CREB3L4: variants seen among roughly 807,000 people sequenced by gnomAD.
CREB3L4 encodes cAMP responsive element binding protein 3 like 4, also known as cyclic AMP-responsive element-binding protein 3-like protein 4.
In CREB3L4, 28 loss-of-function variants were observed where a neutral mutation model predicts 37.0. The observed-to-expected ratio is 0.76, with a 90% confidence interval of 0.56 to 1.04. The LOEUF is 1.04. CREB3L4 is among the 50% of genes least tolerant of loss of function. The pLI is 0.00. For missense variants in CREB3L4, 462 were observed against 486.0 expected (o/e 0.95, Z 0.46); for synonymous variants, 175 against 192.2 (o/e 0.91, Z 0.74).
chr1:153,968,410 TGG>T, intron 1 of CREB3L4, 110 bp from the exon 2 acceptor site: 1 of 753,620 alleles, frequency 1.3e-6, no homozygotes, highest in Non-Finnish European at 1.9e-6. Context: ...GAGGAAGGAG[TGG>T]GGGGGCGGGG....
chr1:153,974,346 C>T lies in CREB3L4; in HGVS notation c.*281C>T, dbSNP rs377614690. 238 of 424,682 alleles carry T rather than the reference C, an allele frequency of 5.6e-4. 1 individual carries two copies. The highest frequency in any genetic ancestry group is 3.7e-3 in the African/African-American group (190 of 51,184). The allele number at this position is 424,682 out of a possible 1,614,324, so 26.3% of individuals were successfully genotyped here. A position where few individuals can be genotyped will look rare whatever the true frequency, so the allele number is the denominator to read the frequency against. On this transcript the variant is annotated 3_prime_UTR_variant, in exon 10 of 10. Coordinates refer to ENST00000368607, the MANE Select transcript of CREB3L4 (RefSeq NM_001255978.2). ...AAATAAGTTTTGAGTGAGAAATAAA[C>T]GTTTTAGCTGAAATTGTATCCCAGA...
chr1:153,968,835 T>A (rs1403890324), intron 2 of CREB3L4, 95 bp from the exon 3 acceptor site: 6 of 1,526,786 alleles, frequency 3.9e-6, no homozygotes, highest in Non-Finnish European at 5.3e-6. Flanking sequence ...ACTGTCTCCA[T>A]GCCCAAGAAG....
chr1:153,970,324 G>C (rs1239612402), intron 4 of CREB3L4, among the ~76,000 whole-genome samples: 1 of 152,160 alleles, frequency 6.6e-6, no homozygotes, highest in Non-Finnish European at 1.5e-5. Context: ...AGGGAATCTG[G>C]GGACAGGGCT....
chr1:153,972,119 G>A lies in CREB3L4; in HGVS notation c.544-625G>A, dbSNP rs139558215. On this transcript the variant is annotated intron_variant, in intron 4 of 9. Coordinates refer to ENST00000368607, the MANE Select transcript of CREB3L4 (RefSeq NM_001255978.2). The stretch of plus-strand genomic sequence containing the variant: ...ATTACAGGTGTGAGCCACTGTGCCC[G>A]GCCACATACATCTTTCAAAAAGAAA... Among the ~76,000 whole-genome samples, 402 of 152,238 alleles carry A rather than the reference G, an allele frequency of 2.6e-3. 4 individuals carry two copies. Among genetic ancestry groups the A allele is most frequent in the African/African-American group, 9.4e-3 (391 of 41,538 alleles).
chr1:153,974,319 G>A lies in CREB3L4; in HGVS notation c.*254G>A, dbSNP rs1426501505. On this transcript the variant is annotated 3_prime_UTR_variant, in exon 10 of 10. Transcript: ENST00000368607. Reference sequence around the variant, plus strand: ...TTCTTCTTTGGGTATAGGGTTGAGGGGAAATAAGTTTTGAGTGAGAAATAA... The same window carrying A: ...TTCTTCTTTGGGTATAGGGTTGAGGAGAAATAAGTTTTGAGTGAGAAATAA... 4.4e-6 allele frequency: 2 copies of A among 458,232 alleles called. No individual in the cohort carries two copies. Among genetic ancestry groups the A allele is most frequent in the African/African-American group, 1.9e-5 (1 of 51,966 alleles). 28.4% of individuals were successfully genotyped at this position (458,232 alleles called of 1,614,324 possible). A position where few individuals can be genotyped will look rare whatever the true frequency, so the allele number is the denominator to read the frequency against.
intron 4 of CREB3L4, 44 bp from the exon 5 acceptor site, chr1:153,972,700 C>A (rs747451053): frequency 1.3e-6 from 2 of 1,515,634 alleles, no homozygotes; most frequent in South Asian, 2.3e-5. Context: ...ATGGGATGAC[C>A]CCCTCCTCAC....
At chr1:153,973,558 C>T in intron 8 of CREB3L4, 62 bp from the exon 9 acceptor site, 1 of 1,562,378 alleles carries the variant, frequency 6.4e-7, no homozygotes, top group South Asian at 1.1e-5. Context: ...CCGATAACCC[C>T]AGCTGGCCTC....
Position 153,974,269 on chromosome 1 carries a change from TTC to T in CREB3L4, c.*206_*207del, listed in dbSNP as rs1217381434. 2 of 530,636 alleles carry T rather than the reference TTC, an allele frequency of 3.8e-6. No individual in the cohort carries two copies. Among genetic ancestry groups the T allele is most frequent in the Non-Finnish European group, 6.7e-6 (2 of 299,106 alleles). 32.9% of individuals were successfully genotyped at this position (530,636 alleles called of 1,614,324 possible). On this transcript the variant is annotated 3_prime_UTR_variant, in exon 10 of 10. Coordinates refer to ENST00000368607, the MANE Select transcript of CREB3L4 (RefSeq NM_001255978.2). The stretch of plus-strand genomic sequence containing the variant: ...ATATATGAGAGGGTACCTCAAATAC[TTC>T]TGTTATGTATCTGTGATTTTATTTC...
intron 4 of CREB3L4, among the ~76,000 whole-genome samples, chr1:153,970,753 T>A (rs1648288525): frequency 2.1e-5 from 3 of 146,162 alleles, no homozygotes; most frequent in African/African-American, 7.6e-5. Flanking sequence ...TTTTTTTTTT[T>A]TTTTTTTTTT....
In CREB3L4 at chr1:153,974,070, G is replaced by A. The variant is rs763496156; in HGVS notation, c.*5G>A. ...CTGCATGCAGATGAGATGTGAGCTG[G>A]AACAGACCTTCCTGGCCCACTTCCT... On this transcript the variant is annotated 3_prime_UTR_variant, in exon 10 of 10. Coordinates refer to ENST00000368607, the MANE Select transcript of CREB3L4 (RefSeq NM_001255978.2). The A allele has an allele frequency of 5.6e-6, 9 of 1,610,508 alleles. No homozygotes were observed. The Admixed American group carries it at 1.5e-4, about 27-fold the overall frequency.
At chr1:153,972,909 A>G in intron 5 of CREB3L4, 63 bp from the exon 6 acceptor site, 1 of 1,598,360 alleles carries the variant, frequency 6.3e-7, no homozygotes, top group Non-Finnish European at 8.6e-7. Flanking sequence ...ATATCCCAGG[A>G]GAAGCATTGG....
At chr1:153,969,849 CAA>C (rs1220808854) in intron 4 of CREB3L4, 1 of 204,808 alleles carries the variant, frequency 4.9e-6, no homozygotes, top group Non-Finnish European at 1.0e-5. Flanking sequence ...CTCCTGAGTT[CAA>C]GTGATCTGCC....
At chr1:153,970,169 C>T (rs1328219283) in intron 4 of CREB3L4, among the ~76,000 whole-genome samples, 9 of 152,142 alleles carry the variant, frequency 5.9e-5, no homozygotes, top group Non-Finnish European at 1.0e-4. Context: ...CCTTGTGATC[C>T]GCCTGCCTCT....
rs778815861 is a variant in CREB3L4, at chr1:153,973,416, A to G, written c.849A>G (p.Leu283=). The change falls in exon 8 of 10, where the codon CTA becomes CTG. Residue 283 remains leucine, a synonymous_variant. Coordinates refer to ENST00000368607, the MANE Select transcript of CREB3L4 (RefSeq NM_001255978.2). ...CTCAGCTCCGCCAGCTGCAGACGCTAATTGCTCAAACTTCCAACAAAGCTG... is the reference window on the plus strand; with the variant it reads ...CTCAGCTCCGCCAGCTGCAGACGCTGATTGCTCAAACTTCCAACAAAGCTG... The part of the protein sequence containing the change: ...LVAQLRQLQT[L]IAQTSNKAAQ... 1.2e-6 allele frequency: 2 copies of G among 1,613,988 alleles called. No individual in the cohort carries two copies. Among genetic ancestry groups the G allele is most frequent in the Non-Finnish European group, 1.7e-6 (2 of 1,179,978 alleles).
chr1:153,968,814 G>A (rs1648039474), intron 2 of CREB3L4, 115 bp downstream of exon 2: 2 of 1,527,872 alleles, frequency 1.3e-6, no homozygotes, highest in Non-Finnish European at 1.8e-6. Context: ...ATAGACGTAA[G>A]TTGTATAATA....
Position 153,969,926 on chromosome 1 carries a change from AT to A in CREB3L4, c.543+491del, listed in dbSNP as rs982207975. 8.0e-3 allele frequency among the ~76,000 whole-genome samples: 941 copies of A among 117,852 alleles called. 1 individual carries two copies. Among genetic ancestry groups the A allele is most frequent in the Middle Eastern group, 0.012 (2 of 170 alleles). 77.3% of individuals were successfully genotyped at this position (117,852 alleles called of 152,430 possible). A position where few individuals can be genotyped will look rare whatever the true frequency, so the allele number is the denominator to read the frequency against. On this transcript the variant is annotated intron_variant, in intron 4 of 9. Transcript: ENST00000368607. ...CCACTGTGCCCGACTAACATGAACA[AT>A]TTTTTTTTTTTTTTTTTTTGAGACG...
intron 4 of CREB3L4, 116 bp from the exon 5 acceptor site, chr1:153,972,628 T>G: frequency 1.4e-6 from 1 of 739,032 alleles, no homozygotes; most frequent in South Asian, 1.8e-5. Flanking sequence ...AGATTAAAGT[T>G]GTCTCCCAGT....
rs1648655972 is a variant in CREB3L4, at chr1:153,973,862, C to T, written c.995-10C>T. The T allele has an allele frequency of 1.9e-6, 3 of 1,613,354 alleles. No individual in the cohort carries two copies. The highest frequency in any genetic ancestry group is 1.7e-5 in the Admixed American group (1 of 59,972). Reference sequence around the variant, plus strand: ...CACTCTACTACTGCCCTCTTGCCTTCACCTCACAGTGACTTCCAGAAATAT... The same window carrying T: ...CACTCTACTACTGCCCTCTTGCCTTTACCTCACAGTGACTTCCAGAAATAT... On this transcript the variant is annotated splice_polypyrimidine_tract_variant and intron_variant, in intron 9 of 9. Transcript: ENST00000368607.
At chr1:153,972,150 G>C (rs1400401693) in intron 4 of CREB3L4, among the ~76,000 whole-genome samples, 1 of 152,118 alleles carries the variant, frequency 6.6e-6, no homozygotes, top group Non-Finnish European at 1.5e-5. Context: ...AGAAATACTA[G>C]TGAGAAGGGC....
Sources: gnomAD v4.1 joint callset for allele counts (sites outside exome capture counted in the v4.1 genomes callset) on GRCh38, gnomAD v4.1.1 for gene constraint, MANE v1.5 for transcripts, NCBI Gene and HGNC (gene_info 2026-07-23, HGNC 2026-07-21) for gene names.